The following NLRP1 variants were observed in gnomAD, a reference collection of about 807,000 sequenced individuals.
NLRP1 encodes the protein NACHT, LRR and PYD domains-containing protein 1.
NLRP1 carries 94 observed loss-of-function variants against 136.7 expected under a neutral mutation model. The observed-to-expected ratio is 0.69, with a 90% CI of 0.58 to 0.82. The LOEUF is 0.82. Among genes scored for constraint, NLRP1 ranks in the 40% least tolerant of loss-of-function variants. The pLI is 0.00. For synonymous variants in NLRP1, 690 were observed against 725.1 expected (o/e 0.95, Z 0.78); for missense variants, 1,575 against 1,802.7 (o/e 0.87, Z 2.29).
At position 5,541,670 on chromosome 17, in the gene NLRP1, G is replaced by A. The variant is rs1021844606; in HGVS notation, c.2699+187C>T. Among the ~76,000 whole-genome samples, 1 of 152,116 alleles carries A rather than the reference G, an allele frequency of 6.6e-6. No individual in the cohort carries two copies. Among genetic ancestry groups the A allele is most frequent in the Non-Finnish European group, 1.5e-5 (1 of 68,012 alleles). ...GCTTCTCTTGCTGTATTTGGAGCCT[G>A]GAGGCCCCCTCCCTCTGTCCAAGGG... On this transcript the variant is annotated intron_variant, in intron 6 of 16. Transcript: ENST00000572272. The surrounding 1 kb of genome is among the most constrained non-coding windows in gnomAD (Gnocchi z 4.2).
chr17:5,559,656 A>C lies in NLRP1; in HGVS notation c.1040T>G (p.Val347Gly), dbSNP rs201743343. 326 of 1,614,164 alleles carry C rather than the reference A, an allele frequency of 2.0e-4. No individual in the cohort carries two copies. Among genetic ancestry groups the C allele is most frequent in the Non-Finnish European group, 2.7e-4 (314 of 1,180,010 alleles). ...CTGGCCTCTCCCCCAGGCTTCCTTCACCTGCCTGGCCAGTGTTGACTTCCC... is the reference window on the plus strand; with the variant it reads ...CTGGCCTCTCCCCCAGGCTTCCTTCCCCTGCCTGGCCAGTGTTGACTTCCC... Reference protein sequence around the residue: ...GIGKSTLARQVKEAWGRGQLY... With the variant: ...GIGKSTLARQGKEAWGRGQLY... Residue 347 changes from valine (V) to glycine (G), a missense_variant, in exon 4 of 17, where the codon GTG (valine) becomes GGG (glycine). Transcript: ENST00000572272.
chr17:5,546,892 A>C (rs118029450), intron 5 of NLRP1, among the ~76,000 whole-genome samples: 1,546 of 152,282 alleles, frequency 0.01, 16 homozygotes, highest in Middle Eastern at 0.031. Flanking sequence ...TTATTGTGGG[A>C]AATATTCACA....
chr17:5,530,840 ATT>A, intron 11 of NLRP1, 136 bp from the exon 12 acceptor site: 1 of 657,568 alleles, frequency 1.5e-6, no homozygotes, highest in Non-Finnish European at 2.7e-6. Context: ...ATGGACTTGC[ATT>A]TTAGTCCTGG....
intron 8 of NLRP1, among the ~76,000 whole-genome samples, chr17:5,534,657 C>T (rs953588272): frequency 1.3e-5 from 2 of 152,202 alleles, no homozygotes; most frequent in Admixed American, 6.5e-5. Context: ...GAAAGGTCTC[C>T]CTGCTTCTGC....
intron 15 of NLRP1, among the ~76,000 whole-genome samples, chr17:5,506,341 C>T (rs1006182333): frequency 1.3e-5 from 2 of 151,802 alleles, no homozygotes; most frequent in African/African-American, 4.8e-5. Context: ...TCTTCTCCTT[C>T]CATTACTCTA....
intron 3 of NLRP1, among the ~76,000 whole-genome samples, chr17:5,565,798 C>T (rs1222309880): frequency 6.6e-6 from 1 of 152,128 alleles, no homozygotes; most frequent in Non-Finnish European, 1.5e-5. Context: ...AGCAGTGAAG[C>T]CATCCAGTCC....
chr17:5,582,787 G>T lies in NLRP1; in HGVS notation c.331C>A (p.Pro111Thr). Residue 111 changes from proline to threonine, a missense_variant, in exon 2 of 17, where the codon CCC becomes ACC. Coordinates refer to ENST00000572272, the MANE Select transcript of NLRP1 (RefSeq NM_033004.4). ...GGCATTAGCACTGCGGTGGAGGTGG[G>T]TTGGCTGGGAGACCCCAGGTGGGGT... ...SEPHLGSPSQPTSTAVLMPWI... is the reference protein window; with the variant it reads ...SEPHLGSPSQTTSTAVLMPWI... The T allele has an allele frequency of 6.2e-7, 1 of 1,614,060 alleles. No homozygotes were observed. Among genetic ancestry groups the T allele is most frequent in the East Asian group, 2.2e-5 (1 of 44,868 alleles).
chr17:5,509,926 C>T (rs541030061), downstream of NLRP1, among the ~76,000 whole-genome samples: 3 of 152,236 alleles, frequency 2.0e-5, no homozygotes, highest in African/African-American at 7.2e-5. Context: ...TGGAAGACTC[C>T]AATTTTCCAC....
At chr17:5,553,948 T>A (rs1913709384) in intron 4 of NLRP1, among the ~76,000 whole-genome samples, 1 of 151,706 alleles carries the variant, frequency 6.6e-6, no homozygotes, top group African/African-American at 2.4e-5. Flanking sequence ...TTTAAAAAAA[T>A]TTGACAATTT....
chr17:5,521,857 T>A (rs1321497931), intron 12 of NLRP1, 71 bp from the exon 13 acceptor site: 2 of 1,441,430 alleles, frequency 1.4e-6, no homozygotes, highest in Non-Finnish European at 1.8e-6. Flanking sequence ...AGAGTTTCGC[T>A]CTTGTCGCCC....
chr17:5,559,408 A>G lies in NLRP1; in HGVS notation c.1288T>C (p.Trp430Arg). The change falls in exon 4 of 17, where the codon TGG (tryptophan) becomes CGG (arginine). Residue 430 changes from tryptophan (W) to arginine (R), a missense_variant. Transcript: ENST00000572272. ...GCATCCGCCGGCTGTGGCTGGCTCC[A>G]GTGCAGACAGAGCTCAGAACTCGGC... ...QEPSSELCLH[W>R]SQPQPADALL... 12 of 1,614,084 alleles carry G rather than the reference A, an allele frequency of 7.4e-6. No homozygotes were observed. Among genetic ancestry groups the G allele is most frequent in the Non-Finnish European group, 1.0e-5 (12 of 1,179,972 alleles).
intron 3 of NLRP1, among the ~76,000 whole-genome samples, chr17:5,567,716 A>G (rs1019217544): frequency 3.3e-5 from 5 of 152,142 alleles, no homozygotes; most frequent in African/African-American, 1.2e-4. Flanking sequence ...TTCTGATTGA[A>G]GTACTCCTTT....
intron 7 of NLRP1, among the ~76,000 whole-genome samples, chr17:5,539,147 A>G (rs1911510108): frequency 6.6e-6 from 1 of 152,200 alleles, no homozygotes; most frequent in East Asian, 1.9e-4. Context: ...CTGGGATTAC[A>G]GGCGTGAGCC....
Position 5,541,908 on chromosome 17 carries a change from T to G in NLRP1, c.2648A>C (p.Lys883Thr). 6.2e-7 allele frequency: 1 copy of G among 1,614,020 alleles called. No individual in the cohort carries two copies. Among genetic ancestry groups the G allele is most frequent in the Non-Finnish European group, 8.5e-7 (1 of 1,180,020 alleles). Residue 883 changes from lysine (K) to threonine (T), a missense_variant, in exon 6 of 17, where the codon AAA becomes ACA. Lys to Thr is a moderately conservative substitution (Grantham distance 78). Coordinates refer to ENST00000572272, the MANE Select transcript of NLRP1 (RefSeq NM_033004.4). This position sits in a 1 kb window ranked among gnomAD's most constrained non-coding sequence, Gnocchi z 4.2. ...CTGTCTCAGTCTCTGGCAAAGGTGT[T>G]TGGCTCCAGCATCCGTGAGCACATT... ...SFNVLTDAGA[K>T]HLCQRLRQPS...
intron 6 of NLRP1, among the ~76,000 whole-genome samples, chr17:5,540,133 G>A (rs148434918): frequency 3.8e-4 from 58 of 152,340 alleles, no homozygotes; most frequent in African/African-American, 1.3e-3. Flanking sequence ...CCTGTTTACA[G>A]CAAACACTGG....
In NLRP1 at chr17:5,534,084, G is replaced by A. The variant is rs534726595; in HGVS notation, c.2961-96C>T. 60 of 856,560 alleles carry A rather than the reference G, an allele frequency of 7.0e-5. 1 individual carries two copies. Among genetic ancestry groups the A allele is most frequent in the Middle Eastern group, 2.2e-4 (1 of 4,532 alleles). 53.1% of individuals were successfully genotyped at this position (856,560 alleles called of 1,614,324 possible). On this transcript the variant is annotated intron_variant, in intron 8 of 16. Coordinates refer to ENST00000572272, the MANE Select transcript of NLRP1 (RefSeq NM_033004.4). ...TAAAAATTCAACTCCTCCTCGGGTC[G>A]GGTGCAGTGGCTCATGTCTGTAATC... is the stretch of plus-strand genomic sequence containing the variant.
At chr17:5,545,153 C>T (rs1278026575) in intron 5 of NLRP1, among the ~76,000 whole-genome samples, 3 of 152,166 alleles carry the variant, frequency 2.0e-5, no homozygotes, top group Non-Finnish European at 4.4e-5. Flanking sequence ...GCATTAAACA[C>T]ACATCCTGGC....
In NLRP1 at chr17:5,583,766, C is replaced by A; in HGVS notation, c.192G>T (p.Gln64His). 3.2e-6 allele frequency: 5 copies of A among 1,553,520 alleles called. No homozygotes were observed. The highest frequency in any genetic ancestry group is 4.4e-6 in the Non-Finnish European group (5 of 1,148,104). ...ASYLVAQYGE[Q>H]RAWDLALHTW... Reference sequence around the variant, plus strand: ...TATGGAGGGCTAGGTCCCAGGCCCGCTGCTCCCCATACTGAGCCACCAGGT... The same window carrying A: ...TATGGAGGGCTAGGTCCCAGGCCCGATGCTCCCCATACTGAGCCACCAGGT... Residue 64 changes from glutamine to histidine, a missense_variant, in exon 1 of 17, where the codon CAG becomes CAT. Gln to His is a conservative substitution (Grantham distance 24, BLOSUM62 0). Coordinates refer to ENST00000572272, the MANE Select transcript of NLRP1 (RefSeq NM_033004.4). This position sits in a 1 kb window ranked among gnomAD's most constrained non-coding sequence, Gnocchi z 4.5.
chr17:5,534,996 C>T (rs1910847887), intron 8 of NLRP1, among the ~76,000 whole-genome samples: 1 of 152,068 alleles, frequency 6.6e-6, no homozygotes, highest in Non-Finnish European at 1.5e-5. Context: ...CTGAGGCGGG[C>T]AGATCACAAG....
Sources: allele counts gnomAD v4.1 joint callset (sites outside exome capture counted in the v4.1 genomes callset), GRCh38; gene constraint gnomAD v4.1.1; non-coding constraint Gnocchi (gnomAD v3.1); transcripts MANE v1.5; gene names NCBI Gene and HGNC (gene_info 2026-07-23, HGNC 2026-07-21).